RYR3: variants seen among roughly 807,000 people sequenced by gnomAD.
RYR3 encodes brain ryanodine receptor-calcium release channel.
Under a neutral mutation model 584.3 loss-of-function variants are expected in RYR3, and 207 were observed. The ratio of observed to expected loss-of-function variants is 0.35; its 90% CI spans 0.32 to 0.40. The LOEUF (loss-of-function observed/expected upper bound fraction) is 0.40. Among genes scored for constraint, RYR3 ranks in the 10% least tolerant of loss-of-function variants. RYR3 has a pLI of 1.00. For missense variants in RYR3, 5,616 were observed against 6,089.2 expected (o/e 0.92, Z 2.59); for synonymous variants, 2,416 against 2,248.5 (o/e 1.07, Z -2.11).
At chr15:33,427,561 A>T (rs966916193) in intron 1 of RYR3, among the ~76,000 whole-genome samples, 6 of 152,062 alleles carry the variant, frequency 3.9e-5, no homozygotes, top group African/African-American at 1.2e-4. Context: ...CTCGTTTTGA[A>T]AAATACTTTT....
chr15:33,437,101 TGA>T (rs1369654423), intron 1 of RYR3, among the ~76,000 whole-genome samples: 4 of 145,122 alleles, frequency 2.8e-5, no homozygotes, highest in Admixed American at 6.9e-5. Flanking sequence ...TGAGTGTGTG[TGA>T]GAGAGAGAGA....
chr15:33,823,621 C>G (rs1567248641), intron 81 of RYR3, among the ~76,000 whole-genome samples: 2 of 152,232 alleles, frequency 1.3e-5, no homozygotes, highest in Middle Eastern at 3.4e-3. Flanking sequence ...AAAAACAAGG[C>G]TTTGAACTTT....
At chr15:33,485,906 A>G (rs1273283263) in intron 2 of RYR3, among the ~76,000 whole-genome samples, 1 of 152,186 alleles carries the variant, frequency 6.6e-6, no homozygotes, top group Non-Finnish European at 1.5e-5. Context: ...AGGAAAGAAC[A>G]AAAGATAGGA....
At chr15:33,829,138 T>C (rs2077529131) in intron 85 of RYR3, among the ~76,000 whole-genome samples, 1 of 152,066 alleles carries the variant, frequency 6.6e-6, no homozygotes, top group African/African-American at 2.4e-5. Context: ...GATTTACTAT[T>C]TTAAGCCCAC....
At chr15:33,476,825 G>A (rs1366596521) in intron 2 of RYR3, among the ~76,000 whole-genome samples, 1 of 152,162 alleles carries the variant, frequency 6.6e-6, no homozygotes, top group Non-Finnish European at 1.5e-5. Flanking sequence ...TTCTCACAGA[G>A]AAACAGGGTC....
intron 57 of RYR3, among the ~76,000 whole-genome samples, chr15:33,752,996 G>T (rs1236471190): frequency 6.6e-6 from 1 of 152,064 alleles, no homozygotes; most frequent in East Asian, 1.9e-4. Context: ...AAATTTTATT[G>T]AAGGCCTTTT....
intron 38 of RYR3, among the ~76,000 whole-genome samples, chr15:33,687,139 C>T (rs1030227229): frequency 1.3e-5 from 2 of 152,110 alleles, no homozygotes; most frequent in Admixed American, 6.6e-5. Flanking sequence ...CCCTGTTTGC[C>T]AATGACATGA....
chr15:33,382,616 C>T (rs1414702841), intron 1 of RYR3, among the ~76,000 whole-genome samples: 4 of 151,962 alleles, frequency 2.6e-5, no homozygotes. Flanking sequence ...GCCACCGTGC[C>T]CACCCCAAAA....
intron 1 of RYR3, among the ~76,000 whole-genome samples, chr15:33,394,310 G>T (rs1017937802): frequency 6.6e-6 from 1 of 152,186 alleles, no homozygotes; most frequent in Non-Finnish European, 1.5e-5. Flanking sequence ...CTTTTCGATA[G>T]AATTCAACAT....
At chr15:33,383,365 A>G (rs903124201) in intron 1 of RYR3, among the ~76,000 whole-genome samples, 10 of 150,062 alleles carry the variant, frequency 6.7e-5, no homozygotes, top group African/African-American at 2.5e-4. Context: ...GTTTTGAGAT[A>G]CGCCACACTT....
At chr15:33,428,267 A>C (rs999690797) in intron 1 of RYR3, among the ~76,000 whole-genome samples, 1 of 152,208 alleles carries the variant, frequency 6.6e-6, no homozygotes, top group African/African-American at 2.4e-5. Flanking sequence ...TCCATATCAA[A>C]TGGCACAATG....
At chr15:33,323,080 C>T (rs373522158) in intron 1 of RYR3, among the ~76,000 whole-genome samples, 28 of 151,370 alleles carry the variant, frequency 1.8e-4, no homozygotes, top group African/African-American at 6.3e-4. Context: ...TTTTCTCTTC[C>T]GTGCTATAAT....
intron 43 of RYR3, among the ~76,000 whole-genome samples, chr15:33,719,749 G>GTAAAC (rs2067769980): frequency 6.6e-6 from 1 of 152,182 alleles, no homozygotes. Flanking sequence ...CCTCCTGTGA[G>GTAAAC]TAAACTGTAT....
At chr15:33,707,328 T>C (rs1419881482) in intron 43 of RYR3, among the ~76,000 whole-genome samples, 2 of 152,112 alleles carry the variant, frequency 1.3e-5, no homozygotes, top group Non-Finnish European at 2.9e-5. Context: ...AGGTCATCTC[T>C]CTGCACTGTA....
chr15:33,748,669 G>A (rs1049193882), intron 55 of RYR3, 139 bp downstream of exon 55: 1 of 754,800 alleles, frequency 1.3e-6, no homozygotes, highest in South Asian at 1.6e-5. Context: ...GTCACCTTGT[G>A]CAGAGGCCAC....
At chr15:33,852,148 T>G (rs539762103) in intron 94 of RYR3, 1 of 151,900 alleles carries the variant, frequency 6.6e-6, no homozygotes. Flanking sequence ...TGTTGTGTTC[T>G]AGAACCAAAA....
chr15:33,850,142 A>T (rs2078997329), intron 94 of RYR3: 1 of 152,144 alleles, frequency 6.6e-6, no homozygotes, highest in South Asian at 2.1e-4. Flanking sequence ...GCGCTTTGGG[A>T]GGCCGAGGCG....
intron 15 of RYR3, 97 bp from the exon 16 acceptor site, chr15:33,585,901 C>T: frequency 4.3e-6 from 3 of 691,038 alleles, no homozygotes; most frequent in South Asian, 1.7e-5. Context: ...GATATCCTGT[C>T]CCCTCAGGAA....
At chr15:33,588,731 A>G (rs577527377) in intron 16 of RYR3, among the ~76,000 whole-genome samples, 1 of 152,316 alleles carries the variant, frequency 6.6e-6, no homozygotes, top group Admixed American at 6.5e-5. Flanking sequence ...GAATTATTTC[A>G]CTTAAAATTA....
Sources: gnomAD v4.1 joint callset for allele counts (sites outside exome capture counted in the v4.1 genomes callset) on GRCh38, gnomAD v4.1.1 for gene constraint, MANE v1.5 for transcripts, NCBI Gene and HGNC (gene_info 2026-07-23, HGNC 2026-07-21) for gene names.